EHMT1: variants seen among roughly 807,000 people sequenced by gnomAD.
The protein encoded by EHMT1 is euchromatic histone lysine methyltransferase 1.
EHMT1 carries 15 observed loss-of-function variants against 147.2 expected under a neutral mutation model. That is an observed-to-expected ratio of 0.10 (90% CI 0.07 to 0.16). The LOEUF (loss-of-function observed/expected upper bound fraction) is 0.16, where lower values mean the gene tolerates loss of function less well. Among genes scored for constraint, EHMT1 ranks in the 10% least tolerant of loss-of-function variants. The pLI is 1.00. For missense variants in EHMT1, 1,587 were observed against 1,772.4 expected (o/e 0.90, Z 1.88); for synonymous variants, 795 against 709.6 (o/e 1.12, Z -1.91).
rs73668108 is a variant in EHMT1, at chr9:137,826,858, A to G, written c.3541-7491A>G. ...CTGTCTGTGTGGAAGGGCCATTTCC[A>G]TATTCCCAGTTCACTGTGGGCCAAT... On this transcript the variant is annotated intron_variant, in intron 25 of 26. Coordinates refer to ENST00000460843, the MANE Select transcript of EHMT1 (RefSeq NM_024757.5). Among the ~76,000 whole-genome samples the G allele has an allele frequency of 5.8e-3, 887 of 152,306 alleles. 8 individuals are homozygous for G. Among genetic ancestry groups the G allele is most frequent in the Middle Eastern group, 0.034 (10 of 294 alleles).
intron 9 of EHMT1, among the ~76,000 whole-genome samples, chr9:137,760,644 C>T (rs1482896889): frequency 6.6e-6 from 1 of 152,136 alleles, no homozygotes; most frequent in Admixed American, 6.5e-5. Flanking sequence ...CTGGCCGTGA[C>T]CAATATCAGA....
At chr9:137,763,041 C>G (rs1208596018) in intron 10 of EHMT1, 5 of 637,848 alleles carry the variant, frequency 7.8e-6, no homozygotes, top group Non-Finnish European at 1.4e-5. Flanking sequence ...ACTGTGTAGA[C>G]AAAGTCTTTG....
At chr9:137,681,963 G>GT (rs998850766) in intron 1 of EHMT1, among the ~76,000 whole-genome samples, 1 of 151,936 alleles carries the variant, frequency 6.6e-6, no homozygotes, top group Non-Finnish European at 1.5e-5. Flanking sequence ...TTGTTTGTTT[G>GT]TTTTTTTGAG....
intron 1 of EHMT1, chr9:137,620,217 C>G (rs1405186500): frequency 6.6e-6 from 1 of 152,042 alleles, no homozygotes; most frequent in Non-Finnish European, 1.5e-5. Context: ...ATATTAGTCA[C>G]TGAGAACAAA....
chr9:137,802,705 G>A lies in EHMT1; in HGVS notation c.2712+1721G>A, dbSNP rs923362108. The A allele has an allele frequency of 4.7e-5, 35 of 749,804 alleles. No homozygotes were observed. The African/African-American group carries it at 5.5e-4, about 12-fold the overall frequency. 46.4% of individuals were successfully genotyped at this position (749,804 alleles called of 1,614,324 possible). The stretch of plus-strand genomic sequence containing the variant: ...CCTAGAAACAGGGACCACTGGCTGT[G>A]GGCACCCGCTGCCTCCCTGCAGGCA... On this transcript the variant is annotated intron_variant, in intron 18 of 26. Coordinates refer to ENST00000460843, the MANE Select transcript of EHMT1 (RefSeq NM_024757.5).
chr9:137,730,620 G>A (rs113801162), intron 4 of EHMT1, among the ~76,000 whole-genome samples: 3 of 152,236 alleles, frequency 2.0e-5, no homozygotes, highest in South Asian at 2.1e-4. Context: ...ACTAATTTAC[G>A]GACTCTTATT....
chr9:137,676,147 T>G (rs893543996), intron 1 of EHMT1: 1 of 149,294 alleles, frequency 6.7e-6, no homozygotes, highest in Non-Finnish European at 1.5e-5. Flanking sequence ...CTTGAACTCC[T>G]GACTTCAAAT....
chr9:137,689,249 C>T (rs930031652), intron 1 of EHMT1, among the ~76,000 whole-genome samples: 2 of 152,200 alleles, frequency 1.3e-5, no homozygotes, highest in East Asian at 1.9e-4. Flanking sequence ...CCCACCTCCT[C>T]CTCAGAAATA....
chr9:137,768,171 C>T lies in EHMT1; in HGVS notation c.1647+5351C>T, dbSNP rs115076601. On this transcript the variant is annotated intron_variant, in intron 10 of 26. Transcript: ENST00000460843. Reference sequence around the variant, plus strand: ...CAAAATCACCCAGTGACACATTTCCCAGAACACACCGTGTTGTTACGTGAG... The same window carrying T: ...CAAAATCACCCAGTGACACATTTCCTAGAACACACCGTGTTGTTACGTGAG... Among the ~76,000 whole-genome samples, 5 of 152,190 alleles carry T rather than the reference C, an allele frequency of 3.3e-5. No individual in the cohort carries two copies. The South Asian group carries it at 6.2e-4, about 19-fold the overall frequency.
At chr9:137,703,850 C>G (rs1944035652) in intron 1 of EHMT1, among the ~76,000 whole-genome samples, 1 of 152,058 alleles carries the variant, frequency 6.6e-6, no homozygotes, top group Admixed American at 6.6e-5. Flanking sequence ...TCTCCAGTAC[C>G]AATTTTCTGT....
Position 137,810,248 on chromosome 9 carries a change from C to T in EHMT1, c.2713-1213C>T, listed in dbSNP as rs113430789. 1.3e-3 allele frequency among the ~76,000 whole-genome samples: 144 copies of T among 113,070 alleles called. 1 individual carries two copies. The African/African-American group carries it at 0.015, about 11-fold the overall frequency. The allele number at this position is 113,070 out of a possible 152,430, so 74.2% of individuals were successfully genotyped here. ...GGTTCCGATGCCGCCCCGCGTGGAC[C>T]GTCGGTGATGGGTCCGGAGGCGGTT... On this transcript the variant is annotated intron_variant, in intron 18 of 26. Coordinates refer to ENST00000460843, the MANE Select transcript of EHMT1 (RefSeq NM_024757.5).
chr9:137,675,387 T>C (rs1941144975), intron 1 of EHMT1, among the ~76,000 whole-genome samples: 2 of 149,536 alleles, frequency 1.3e-5, no homozygotes, highest in Non-Finnish European at 3.0e-5. Flanking sequence ...TTAGGAGGCA[T>C]AGAATTTGGT....
rs1357819760 is a variant in EHMT1 at position 137,797,771 on chromosome 9, A to T, written c.2506-1042A>T. Among the ~76,000 whole-genome samples, 3 of 152,136 alleles carry T rather than the reference A, an allele frequency of 2.0e-5. No homozygotes were observed. The East Asian group carries it at 5.8e-4, about 30-fold the overall frequency. On this transcript the variant is annotated intron_variant, in intron 16 of 26. Coordinates refer to ENST00000460843, the MANE Select transcript of EHMT1 (RefSeq NM_024757.5). ...TGACTGCTACACGGACTCCACCGAG[A>T]TAAGGGGAGAAAGGTAATGAAGGAA...
chr9:137,739,258 A>T (rs1001964679), intron 4 of EHMT1, among the ~76,000 whole-genome samples: 1 of 151,470 alleles, frequency 6.6e-6, no homozygotes, highest in African/African-American at 2.4e-5. Flanking sequence ...CAGGAGGCTG[A>T]GGCAGGAGAA....
chr9:137,675,026 A>T (rs1941102620), intron 1 of EHMT1: 1 of 152,104 alleles, frequency 6.6e-6, no homozygotes, highest in Non-Finnish European at 1.5e-5. Flanking sequence ...TTATTTTTAC[A>T]ACTTAAAAAA....
intron 15 of EHMT1, chr9:137,788,131 G>A: frequency 8.5e-7 from 1 of 1,175,226 alleles, no homozygotes; most frequent in Non-Finnish European, 1.2e-6. Context: ...TCAGAGGAGG[G>A]CAGGGGTGGG....
chr9:137,633,860 C>T (rs1007437815), intron 1 of EHMT1, among the ~76,000 whole-genome samples: 110 of 146,524 alleles, frequency 7.5e-4, no homozygotes, highest in African/African-American at 2.4e-3. Context: ...TCGCTCTTGT[C>T]GCCTAGGCTG....
Position 137,713,263 on chromosome 9 carries a change from A to ATTTT in EHMT1, c.85+2254_85+2257dup, listed in dbSNP as rs59459382. Among the ~76,000 whole-genome samples, 84 of 102,334 alleles carry ATTTT rather than the reference A, an allele frequency of 8.2e-4. 1 individual carries two copies. The highest frequency in any genetic ancestry group is 2.2e-3 in the African/African-American group (69 of 30,714). 67.1% of individuals were successfully genotyped at this position (102,334 alleles called of 152,430 possible). A position where few individuals can be genotyped will look rare whatever the true frequency, so the allele number is the denominator to read the frequency against. ...AGGTGTGAGCCACCACACCATGCTA[A>ATTTT]TTTTTTTTTTTTTTTTTTTTTTTTG... On this transcript the variant is annotated intron_variant, in intron 2 of 26. Transcript: ENST00000460843.
At chr9:137,821,678 C>A (rs1955433526) in intron 25 of EHMT1, among the ~76,000 whole-genome samples, 1 of 152,076 alleles carries the variant, frequency 6.6e-6, no homozygotes, top group South Asian at 2.1e-4. Flanking sequence ...CATGTAAGTT[C>A]TGAAGTCAGC....
Sources: gnomAD v4.1 joint callset for allele counts (sites outside exome capture counted in the v4.1 genomes callset) on GRCh38, gnomAD v4.1.1 for gene constraint, MANE v1.5 for transcripts, NCBI Gene and HGNC (gene_info 2026-07-23, HGNC 2026-07-21) for gene names.